The following RBFOX1 variants were observed in gnomAD, a reference collection of about 807,000 sequenced individuals.
The protein encoded by RBFOX1 is RNA binding protein fox-1 homolog 1.
Under a neutral mutation model 57.7 loss-of-function variants are expected in RBFOX1, and 8 were observed. The ratio of observed to expected loss-of-function variants is 0.14; its 90% CI spans 0.08 to 0.25. The LOEUF is 0.25. Ranked by LOEUF, RBFOX1 falls within the 10% of genes least tolerant of loss-of-function variation. The pLI is 1.00. For synonymous variants in RBFOX1, 326 were observed against 222.4 expected, an observed-to-expected ratio of 1.47 and a Z score of -4.15; for missense variants, 611 against 548.5, an observed-to-expected ratio of 1.11 and a Z score of -1.14.
intron 1 of RBFOX1, among the ~76,000 whole-genome samples, chr16:6,225,458 C>T (rs11649248): frequency 0.94 from 142,587 of 152,174 alleles, 67,467 homozygotes; most frequent in East Asian, 1. Context: ...CATTTAATAC[C>T]CGGGAATGAT....
rs184171502 is a variant in RBFOX1 at position 7,089,305 on chromosome 16, A to G, written c.27+37207A>G. ...TTAAAACTGCATGAACTTAATAGAGAGTTCTATCTAACAACACTGAATTCT... is the reference window on the plus strand; with the variant it reads ...TTAAAACTGCATGAACTTAATAGAGGGTTCTATCTAACAACACTGAATTCT... On this transcript the variant is annotated intron_variant, in intron 4 of 15. Transcript: ENST00000550418. 3.9e-3 allele frequency among the ~76,000 whole-genome samples: 590 copies of G among 152,316 alleles called. 4 individuals are homozygous for G. Among genetic ancestry groups the G allele is most frequent in the African/African-American group, 0.014 (568 of 41,558 alleles).
At chr16:5,770,060 G>T (rs2053926293) in intron 3 of RBFOX1, among the ~76,000 whole-genome samples, 1 of 152,220 alleles carries the variant, frequency 6.6e-6, no homozygotes, top group African/African-American at 2.4e-5. Context: ...AGGTAAGAAT[G>T]AATGTGGCTC....
intron 5 of RBFOX1, among the ~76,000 whole-genome samples, chr16:7,542,627 G>A (rs1030588500): frequency 3.3e-5 from 5 of 151,162 alleles, no homozygotes; most frequent in Non-Finnish European, 5.9e-5. Context: ...GGCCAAGGCG[G>A]GTGGATCACT....
At chr16:7,234,784 T>C (rs2093687098) in intron 4 of RBFOX1, among the ~76,000 whole-genome samples, 1 of 151,886 alleles carries the variant, frequency 6.6e-6, no homozygotes, top group South Asian at 2.1e-4. Context: ...ATAGACTACA[T>C]TCAAACTCAT....
chr16:5,885,097 T>G (rs1208741790), intron 4 of RBFOX1, among the ~76,000 whole-genome samples: 1 of 152,142 alleles, frequency 6.6e-6, no homozygotes, highest in Non-Finnish European at 1.5e-5. Flanking sequence ...ATTCTCCAAA[T>G]GGAGAAGCTC....
intron 1 of RBFOX1, among the ~76,000 whole-genome samples, chr16:6,213,564 T>G (rs951625554): frequency 6.6e-6 from 1 of 152,218 alleles, no homozygotes; most frequent in East Asian, 1.9e-4. Context: ...TGATCATTGC[T>G]GAAAAGTTGC....
intron 1 of RBFOX1, among the ~76,000 whole-genome samples, chr16:5,300,523 T>G (rs1490963386): frequency 6.6e-6 from 1 of 152,038 alleles, no homozygotes; most frequent in African/African-American, 2.4e-5. Flanking sequence ...ATAATAATGA[T>G]AAAAAGAAAG....
chr16:6,958,858 C>G (rs905204745), intron 3 of RBFOX1, among the ~76,000 whole-genome samples: 2 of 152,014 alleles, frequency 1.3e-5, no homozygotes, highest in African/African-American at 4.8e-5. Context: ...AAGGAGGTAT[C>G]TTTTATTACC....
chr16:6,616,130 G>C (rs908912366), intron 2 of RBFOX1, among the ~76,000 whole-genome samples: 5 of 152,196 alleles, frequency 3.3e-5, no homozygotes, highest in Non-Finnish European at 7.3e-5. Context: ...TATAGGAAGT[G>C]TCAGGCCTTT....
chr16:7,571,425 C>G (rs576976793), intron 5 of RBFOX1, among the ~76,000 whole-genome samples: 1 of 152,240 alleles, frequency 6.6e-6, no homozygotes, highest in South Asian at 2.1e-4. Context: ...CCAATTTCAC[C>G]AGGATTAGTC....
At chr16:5,647,658 C>T (rs188360096) in intron 3 of RBFOX1, among the ~76,000 whole-genome samples, 127 of 152,268 alleles carry the variant, frequency 8.3e-4, no homozygotes, top group African/African-American at 3.0e-3. Flanking sequence ...TCAGTACCTT[C>T]TCTGATTATT....
intron 4 of RBFOX1, among the ~76,000 whole-genome samples, chr16:7,054,811 G>A (rs945786329): frequency 1.3e-5 from 2 of 152,150 alleles, no homozygotes; most frequent in Admixed American, 6.5e-5. Flanking sequence ...TTATCATGTC[G>A]AGGGTCCTTC....
At chr16:5,889,897 C>A (rs1425013831) in intron 4 of RBFOX1, among the ~76,000 whole-genome samples, 2 of 152,216 alleles carry the variant, frequency 1.3e-5, no homozygotes, top group African/African-American at 2.4e-5. Flanking sequence ...AGACTGGATG[C>A]GGCCTGGAGC....
intron 3 of RBFOX1, among the ~76,000 whole-genome samples, chr16:6,932,135 C>T (rs1370437289): frequency 1.3e-5 from 2 of 152,054 alleles, no homozygotes; most frequent in Non-Finnish European, 2.9e-5. Flanking sequence ...GATGGCATCC[C>T]ATCTGTCACC....
intron 3 of RBFOX1, among the ~76,000 whole-genome samples, chr16:6,983,156 A>C (rs1227898836): frequency 6.6e-6 from 1 of 151,992 alleles, no homozygotes; most frequent in Non-Finnish European, 1.5e-5. Flanking sequence ...GCTTCCTAGC[A>C]GGGATAGCAC....
chr16:6,949,323 C>G (rs1375393793), intron 3 of RBFOX1, among the ~76,000 whole-genome samples: 1 of 152,202 alleles, frequency 6.6e-6, no homozygotes, highest in Non-Finnish European at 1.5e-5. Flanking sequence ...AGTTTTCAAT[C>G]TTCGCTCACC....
chr16:6,265,697 G>A lies in RBFOX1; in HGVS notation c.-126-51298G>A, dbSNP rs188738341. Among the ~76,000 whole-genome samples, 331 of 152,314 alleles carry A rather than the reference G, an allele frequency of 2.2e-3. 1 individual carries two copies. The highest frequency in any genetic ancestry group is 5.0e-3 in the South Asian group (24 of 4,824). On this transcript the variant is annotated intron_variant, in intron 1 of 15. Coordinates refer to ENST00000550418, the MANE Select transcript of RBFOX1 (RefSeq NM_018723.4). ...CCAAATTAGCTTTGGTGCACCCAGC[G>A]TGGGAAAAGGAGCTTTTCTTTACCA...
intron 3 of RBFOX1, among the ~76,000 whole-genome samples, chr16:5,747,326 G>T (rs908941006): frequency 1.3e-5 from 2 of 152,158 alleles, no homozygotes; most frequent in Non-Finnish European, 2.9e-5. Context: ...GTTCATCAGG[G>T]ATATTGGTCT....
intron 3 of RBFOX1, among the ~76,000 whole-genome samples, chr16:6,888,435 C>T (rs1005995124): frequency 1.3e-5 from 2 of 152,112 alleles, no homozygotes; most frequent in South Asian, 2.1e-4. Flanking sequence ...GCAGTGTTCT[C>T]TTTATATAGT....
Sources: allele counts gnomAD v4.1 joint callset (sites outside exome capture counted in the v4.1 genomes callset), GRCh38; gene constraint gnomAD v4.1.1; transcripts MANE v1.5; gene names NCBI Gene and HGNC (gene_info 2026-07-23, HGNC 2026-07-21).